BRIP1: variants seen among roughly 807,000 people sequenced by gnomAD.
BRIP1 encodes BRCA1 interacting DNA helicase 1.
BRIP1 carries 88 observed loss-of-function variants against 119.7 expected under a neutral mutation model. The observed-to-expected ratio is 0.74, with a 90% CI of 0.62 to 0.88. BRIP1 has a LOEUF of 0.88. Ranked by LOEUF, BRIP1 falls within the 40% of genes least tolerant of loss-of-function variation. BRIP1 has a pLI of 0.00. For missense variants in BRIP1, 1,259 were observed against 1,455.4 expected (o/e 0.87, Z 2.20); for synonymous variants, 443 against 496.5 (o/e 0.89, Z 1.43).
At chr17:61,813,885 C>A (rs1311158223) in intron 6 of BRIP1, among the ~76,000 whole-genome samples, 1 of 151,902 alleles carries the variant, frequency 6.6e-6, no homozygotes, top group South Asian at 2.1e-4. Flanking sequence ...GAGTTTATCA[C>A]ACCATTTTCA....
rs1224727939 is a variant in BRIP1, at chr17:61,834,574, C to T, written c.627+12527G>A. On this transcript the variant is annotated intron_variant, in intron 6 of 19. Coordinates refer to ENST00000259008, the MANE Select transcript of BRIP1 (RefSeq NM_032043.3). This position sits in a 1 kb window ranked among gnomAD's most constrained non-coding sequence, Gnocchi z 4.4. ...AAGGTTACTTTGTAGCTCTTCCTAC[C>T]AAGATGTGAGCTTTACCCCTTGAGT... Among the ~76,000 whole-genome samples the T allele has an allele frequency of 1.3e-5, 2 of 152,052 alleles. No individual in the cohort carries two copies. The highest frequency in any genetic ancestry group is 6.6e-5 in the Admixed American group (1 of 15,266).
In BRIP1 at chr17:61,703,984, G is replaced by GT. The variant is rs2061654075; in HGVS notation, c.2493-10473dup. Among the ~76,000 whole-genome samples, 1 of 152,118 alleles carries GT rather than the reference G, an allele frequency of 6.6e-6. No homozygotes were observed. The highest frequency in any genetic ancestry group is 1.5e-5 in the Non-Finnish European group (1 of 68,012). On this transcript the variant is annotated intron_variant, in intron 17 of 19. Coordinates refer to ENST00000259008, the MANE Select transcript of BRIP1 (RefSeq NM_032043.3). The surrounding 1 kb of genome is among the most constrained non-coding windows in gnomAD (Gnocchi z 5.0). ...TAGGTTTTCTTCTAGGATTTTTATA[G>GT]TTTGAGGTCTTACACTTAAATCTTT...
rs956124578 is a variant in BRIP1, at chr17:61,756,105, T to C, written c.2098-11514A>G. Among the ~76,000 whole-genome samples, 24 of 152,176 alleles carry C rather than the reference T, an allele frequency of 1.6e-4. No homozygotes were observed. The highest frequency in any genetic ancestry group is 2.9e-5 in the Non-Finnish European group (2 of 68,016). ...TCTATAGCAAAAACATACTGGTTAT[T>C]TTAGTGAAAATGGCCTACAGCAAAT... On this transcript the variant is annotated intron_variant, in intron 14 of 19. Coordinates refer to ENST00000259008, the MANE Select transcript of BRIP1 (RefSeq NM_032043.3). The surrounding 1 kb of genome is among the most constrained non-coding windows in gnomAD (Gnocchi z 4.3).
At chr17:61,818,945 G>C (rs79217044) in intron 6 of BRIP1, among the ~76,000 whole-genome samples, 16,929 of 151,982 alleles carry the variant, frequency 0.11, 1,162 homozygotes, top group South Asian at 0.24. Context: ...CAGCACTTTG[G>C]GAGGCCGAGG....
rs2076887200 is a variant in BRIP1, at chr17:61,734,148, T to C, written c.2379+8865A>G. On this transcript the variant is annotated intron_variant, in intron 16 of 19. Coordinates refer to ENST00000259008, the MANE Select transcript of BRIP1 (RefSeq NM_032043.3). This position sits in a 1 kb window ranked among gnomAD's most constrained non-coding sequence, Gnocchi z 5.2. ...TCACAAACTATGTCCATGTCACCAATTGGAGAGGTGGATGCCTCAATTATA... is the reference window on the plus strand; with the variant it reads ...TCACAAACTATGTCCATGTCACCAACTGGAGAGGTGGATGCCTCAATTATA... Among the ~76,000 whole-genome samples, 1 of 152,202 alleles carries C rather than the reference T, an allele frequency of 6.6e-6. No individual in the cohort carries two copies. Among genetic ancestry groups the C allele is most frequent in the South Asian group, 2.1e-4 (1 of 4,832 alleles).
rs564141335 is a variant in BRIP1, at chr17:61,684,389, G to A, written c.2906-249C>T. Reference sequence around the variant, plus strand: ...AAACTATCAAATTCCACAGCAGGGAGCTCAAGAATGAATGAGGAAAGAAGG... The same window carrying A: ...AAACTATCAAATTCCACAGCAGGGAACTCAAGAATGAATGAGGAAAGAAGG... On this transcript the variant is annotated intron_variant, in intron 19 of 19. Transcript: ENST00000259008. The surrounding 1 kb of genome is among the most constrained non-coding windows in gnomAD (Gnocchi z 4.5). Among the ~76,000 whole-genome samples, 12 of 152,264 alleles carry A rather than the reference G, an allele frequency of 7.9e-5. No homozygotes were observed. The East Asian group carries it at 2.3e-3, about 29-fold the overall frequency.
chr17:61,760,641 T>A lies in BRIP1; in HGVS notation c.2097+15760A>T, dbSNP rs116609021. Reference sequence around the variant, plus strand: ...GAAATACAAAGGATCAAAGTGACTATTACAATTATATGCCAACAAAATAAA... The same window carrying A: ...GAAATACAAAGGATCAAAGTGACTAATACAATTATATGCCAACAAAATAAA... On this transcript the variant is annotated intron_variant, in intron 14 of 19. Coordinates refer to ENST00000259008, the MANE Select transcript of BRIP1 (RefSeq NM_032043.3). The surrounding 1 kb of genome is among the most constrained non-coding windows in gnomAD (Gnocchi z 4.6). 2.0e-5 allele frequency among the ~76,000 whole-genome samples: 3 copies of A among 151,886 alleles called. No homozygotes were observed. The highest frequency in any genetic ancestry group is 7.2e-5 in the African/African-American group (3 of 41,416).
Position 61,794,775 on chromosome 17 carries a change from G to C in BRIP1, c.1341-1046C>G, listed in dbSNP as rs1652139102. Among the ~76,000 whole-genome samples, 1 of 151,458 alleles carries C rather than the reference G, an allele frequency of 6.6e-6. No homozygotes were observed. The highest frequency in any genetic ancestry group is 2.4e-5 in the African/African-American group (1 of 41,182). On this transcript the variant is annotated intron_variant, in intron 9 of 19. Transcript: ENST00000259008. The surrounding 1 kb of genome is among the most constrained non-coding windows in gnomAD (Gnocchi z 4.3). ...AAATAAATTAGTTTAATATAACCTA[G>C]TTGCAACTTTAATTTTAATGTCAAG...
intron 6 of BRIP1, among the ~76,000 whole-genome samples, chr17:61,829,762 G>C (rs1434575146): frequency 6.6e-6 from 1 of 151,948 alleles, no homozygotes; most frequent in Non-Finnish European, 1.5e-5. Flanking sequence ...AATAAATCTT[G>C]GGTCAGAGAA....
rs148644126 is a variant in BRIP1, at chr17:61,848,422, G to A, written c.507+707C>T. The stretch of plus-strand genomic sequence containing the variant: ...GACAGGAGCCTTGCTATGTCACCCA[G>A]GCTGGTCTCAAACTGCTGGACTCAA... On this transcript the variant is annotated intron_variant, in intron 5 of 19. Transcript: ENST00000259008. The surrounding 1 kb of genome is among the most constrained non-coding windows in gnomAD (Gnocchi z 4.3). Among the ~76,000 whole-genome samples the A allele has an allele frequency of 8.7e-4, 132 of 152,034 alleles. No individual in the cohort carries two copies. Among genetic ancestry groups the A allele is most frequent in the Non-Finnish European group, 1.7e-3 (113 of 67,966 alleles).
At chr17:61,835,890 A>C (rs535768160) in intron 6 of BRIP1, among the ~76,000 whole-genome samples, 1 of 152,228 alleles carries the variant, frequency 6.6e-6, no homozygotes, top group Admixed American at 6.5e-5. Context: ...TCCCATAAAC[A>C]AGAGAGTTAA....
rs1301113457 is a variant in BRIP1 at position 61,759,563 on chromosome 17, AC to A, written c.2098-14973del. Among the ~76,000 whole-genome samples, 1 of 152,156 alleles carries A rather than the reference AC, an allele frequency of 6.6e-6. No homozygotes were observed. Among genetic ancestry groups the A allele is most frequent in the Non-Finnish European group, 1.5e-5 (1 of 68,004 alleles). ...AAACATTGGACTTGAATAAATTTAG[AC>A]CAAATGGACCTAACAGGCATTTACA... On this transcript the variant is annotated intron_variant, in intron 14 of 19. Coordinates refer to ENST00000259008, the MANE Select transcript of BRIP1 (RefSeq NM_032043.3). This position sits in a 1 kb window ranked among gnomAD's most constrained non-coding sequence, Gnocchi z 4.9.
chr17:61,808,763 A>C lies in BRIP1; in HGVS notation c.628-6T>G. ...CTAGAACAGTGGCCAGGGGGCTGTAAGAAAGGAAAGAAACGATAACTAATA... is the reference window on the plus strand; with the variant it reads ...CTAGAACAGTGGCCAGGGGGCTGTACGAAAGGAAAGAAACGATAACTAATA... On this transcript the variant is annotated splice_region_variant and splice_polypyrimidine_tract_variant and intron_variant, in intron 6 of 19. Transcript: ENST00000259008. The surrounding 1 kb of genome is among the most constrained non-coding windows in gnomAD (Gnocchi z 4.1). The C allele has an allele frequency of 1.2e-6, 2 of 1,610,550 alleles. No individual in the cohort carries two copies. Among genetic ancestry groups the C allele is most frequent in the Non-Finnish European group, 1.7e-6 (2 of 1,179,542 alleles).
In BRIP1 at chr17:61,824,613, A is replaced by G. The variant is rs1281360899; in HGVS notation, c.628-15856T>C. On this transcript the variant is annotated intron_variant, in intron 6 of 19. Coordinates refer to ENST00000259008, the MANE Select transcript of BRIP1 (RefSeq NM_032043.3). The surrounding 1 kb of genome is among the most constrained non-coding windows in gnomAD (Gnocchi z 4.3). The stretch of plus-strand genomic sequence containing the variant: ...AGGGAAACCTGGATATCTACACACA[A>G]ACAATGAAGTTGCACCATTATAATA... 6.6e-6 allele frequency among the ~76,000 whole-genome samples: 1 copy of G among 152,220 alleles called. No homozygotes were observed. Among genetic ancestry groups the G allele is most frequent in the Non-Finnish European group, 1.5e-5 (1 of 68,036 alleles).
intron 10 of BRIP1, among the ~76,000 whole-genome samples, chr17:61,792,080 T>G (rs528782496): frequency 6.6e-6 from 1 of 152,348 alleles, no homozygotes. Flanking sequence ...AGCCACTTTT[T>G]GTCAAGAGAC....
rs2078544455 is a variant in BRIP1, at chr17:61,834,686, G to A, written c.627+12415C>T. On this transcript the variant is annotated intron_variant, in intron 6 of 19. Coordinates refer to ENST00000259008, the MANE Select transcript of BRIP1 (RefSeq NM_032043.3). This position sits in a 1 kb window ranked among gnomAD's most constrained non-coding sequence, Gnocchi z 4.4. The stretch of plus-strand genomic sequence containing the variant: ...GACTCAAAAGGCATTTGTACACTGG[G>A]GCTTGTTCTCTTGCTGCTCTTGGAA... Among the ~76,000 whole-genome samples, 1 of 151,990 alleles carries A rather than the reference G, an allele frequency of 6.6e-6. No homozygotes were observed. Among genetic ancestry groups the A allele is most frequent in the Non-Finnish European group, 1.5e-5 (1 of 67,992 alleles).
chr17:61,781,235 C>A (rs1275755826), intron 11 of BRIP1, among the ~76,000 whole-genome samples: 2 of 152,142 alleles, frequency 1.3e-5, no homozygotes, highest in African/African-American at 4.8e-5. Flanking sequence ...AATCATCTAA[C>A]CATCTATCTT....
At position 61,724,286 on chromosome 17, in the gene BRIP1, T is replaced by A. The variant is rs1307189430; in HGVS notation, c.2380-8223A>T. ...TTGGATTCTGATTTTTACCATTATA[T>A]CATAATGTACTTGAGATTGAACAGA... On this transcript the variant is annotated intron_variant, in intron 16 of 19. Transcript: ENST00000259008. The surrounding 1 kb of genome is among the most constrained non-coding windows in gnomAD (Gnocchi z 5.1). 6.6e-6 allele frequency among the ~76,000 whole-genome samples: 1 copy of A among 152,074 alleles called. No homozygotes were observed. Among genetic ancestry groups the A allele is most frequent in the East Asian group, 1.9e-4 (1 of 5,192 alleles).
rs969877419 is a variant in BRIP1, at chr17:61,735,099, G to A, written c.2379+7914C>T. Reference sequence around the variant, plus strand: ...TTTTAGTTTTGGAAGAGCCATCTATGTAGGTCATTTAGATCATCATCTCTT... The same window carrying A: ...TTTTAGTTTTGGAAGAGCCATCTATATAGGTCATTTAGATCATCATCTCTT... On this transcript the variant is annotated intron_variant, in intron 16 of 19. Transcript: ENST00000259008. The surrounding 1 kb of genome is among the most constrained non-coding windows in gnomAD (Gnocchi z 4.4). 1.3e-5 allele frequency among the ~76,000 whole-genome samples: 2 copies of A among 152,156 alleles called. No homozygotes were observed. Among genetic ancestry groups the A allele is most frequent in the Admixed American group, 6.5e-5 (1 of 15,276 alleles).
Sources: gnomAD v4.1 joint callset for allele counts (sites outside exome capture counted in the v4.1 genomes callset) on GRCh38, gnomAD v4.1.1 for gene constraint, Gnocchi (gnomAD v3.1) non-coding constraint, MANE v1.5 for transcripts, NCBI Gene and HGNC (gene_info 2026-07-23, HGNC 2026-07-21) for gene names.